The following SLC41A3 variants were observed in gnomAD, a reference collection of about 807,000 sequenced individuals.
SLC41A3 encodes the protein SLC41A1-like 2.
SLC41A3 carries 44 observed loss-of-function variants against 45.4 expected under a neutral mutation model. The ratio of observed to expected loss-of-function variants is 0.97; its 90% confidence interval spans 0.76 to 1.25. The LOEUF (loss-of-function observed/expected upper bound fraction) is 1.25, where lower values mean the gene tolerates loss of function less well. Ranked by LOEUF, SLC41A3 falls within the 50% of genes most tolerant of loss-of-function variation. SLC41A3 has a pLI of 0.00. For synonymous variants in SLC41A3, 256 were observed against 252.4 expected (o/e 1.01, Z -0.13); for missense variants, 550 against 600.6 (o/e 0.92, Z 0.88).
intron 7 of SLC41A3, 63 bp downstream of exon 7, chr3:126,016,668 T>C: frequency 1.1e-5 from 17 of 1,547,102 alleles, no homozygotes; most frequent in Non-Finnish European, 1.5e-5. Context: ...AGTGTCACCC[T>C]GGTTCTAGGG....
intron 6 of SLC41A3, among the ~76,000 whole-genome samples, chr3:126,017,283 A>G (rs760183807): frequency 6.6e-6 from 1 of 152,232 alleles, no homozygotes; most frequent in Non-Finnish European, 1.5e-5. Context: ...AGGCAGCAGG[A>G]GGAAGCAGAC....
chr3:126,034,045 A>T (rs1410673081), intron 3 of SLC41A3, among the ~76,000 whole-genome samples: 1 of 152,158 alleles, frequency 6.6e-6, no homozygotes, highest in African/African-American at 2.4e-5. Flanking sequence ...GTTACCAGCA[A>T]TTTGAAGGCC....
chr3:126,053,080 C>T (rs1033139199), intron 2 of SLC41A3, among the ~76,000 whole-genome samples: 11 of 152,174 alleles, frequency 7.2e-5, no homozygotes, highest in Admixed American at 3.9e-4. Flanking sequence ...ACAACCGTGA[C>T]GGGACTAAAG....
At chr3:126,039,739 AC>A (rs1942455194) in intron 3 of SLC41A3, among the ~76,000 whole-genome samples, 3 of 152,254 alleles carry the variant, frequency 2.0e-5, no homozygotes, top group Admixed American at 2.0e-4. Context: ...GACAATCCAC[AC>A]ATATTTAAAA....
At chr3:126,046,109 G>A (rs763647154) in intron 3 of SLC41A3, among the ~76,000 whole-genome samples, 6 of 151,332 alleles carry the variant, frequency 4.0e-5, no homozygotes, top group Non-Finnish European at 8.8e-5. Context: ...ACATAATAAA[G>A]GTTATATGTG....
chr3:126,069,250 G>C (rs939102904), intron 1 of SLC41A3, among the ~76,000 whole-genome samples: 1 of 152,042 alleles, frequency 6.6e-6, no homozygotes, highest in Non-Finnish European at 1.5e-5. Flanking sequence ...ACAAGCAGCA[G>C]GTAAAGGCTG....
At chr3:126,095,869 G>A (rs1395868708) in intron 1 of SLC41A3, among the ~76,000 whole-genome samples, 1 of 152,184 alleles carries the variant, frequency 6.6e-6, no homozygotes, top group East Asian at 1.9e-4. Context: ...GAACAAAACG[G>A]TCAGATGGTA....
chr3:126,060,424 A>G (rs1347060072), intron 2 of SLC41A3, among the ~76,000 whole-genome samples: 2 of 151,918 alleles, frequency 1.3e-5, no homozygotes, highest in African/African-American at 4.8e-5. Flanking sequence ...TGTCTCAAAA[A>G]AAAAGTGAGA....
intron 9 of SLC41A3, among the ~76,000 whole-genome samples, chr3:126,011,172 C>G (rs1939667683): frequency 6.6e-6 from 1 of 152,010 alleles, no homozygotes; most frequent in Admixed American, 6.6e-5. Flanking sequence ...AATCACAAAC[C>G]CACCTGAAAC....
chr3:126,056,462 C>A (rs763079045), intron 2 of SLC41A3: 4 of 1,614,246 alleles, frequency 2.5e-6, no homozygotes, highest in Admixed American at 1.7e-5. Context: ...TCAGGCAAGA[C>A]CCCATGTGGG....
At position 126,026,579 on chromosome 3, in the gene SLC41A3, T is replaced by A. The variant is rs1941373577; in HGVS notation, c.454-100A>T. On this transcript the variant is annotated intron_variant, in intron 4 of 10. Coordinates refer to ENST00000360370, the MANE Select transcript of SLC41A3 (RefSeq NM_017836.4). This position sits in a 1 kb window ranked among gnomAD's most constrained non-coding sequence, Gnocchi z 4.2. ...TCACCGCAAGGGGCCGGGTGCCACA[T>A]GCTACTGCCTCCTTTCCCTTACCCT... 7.0e-7 allele frequency: 1 copy of A among 1,429,702 alleles called. No individual in the cohort carries two copies. Among genetic ancestry groups the A allele is most frequent in the African/African-American group, 1.4e-5 (1 of 70,164 alleles). The allele number at this position is 1,429,702 out of a possible 1,614,324, so 88.6% of individuals were successfully genotyped here.
At chr3:126,037,503 G>A (rs775672680) in intron 3 of SLC41A3, among the ~76,000 whole-genome samples, 1 of 152,164 alleles carries the variant, frequency 6.6e-6, no homozygotes, top group Non-Finnish European at 1.5e-5. Context: ...CCTTAGCATG[G>A]AACTTGGCTG....
chr3:126,073,451 C>G (rs114112586), intron 1 of SLC41A3, among the ~76,000 whole-genome samples: 4,128 of 151,986 alleles, frequency 0.027, 166 homozygotes, highest in African/African-American at 0.09. Flanking sequence ...AAAACAAAAA[C>G]AAACAAACAA....
At chr3:126,069,597 G>A (rs1310411117) in intron 1 of SLC41A3, among the ~76,000 whole-genome samples, 1 of 152,094 alleles carries the variant, frequency 6.6e-6, no homozygotes, top group Non-Finnish European at 1.5e-5. Context: ...GACATGCCAA[G>A]AAATAAGAAA....
At position 126,026,981 on chromosome 3, in the gene SLC41A3, G is replaced by A. The variant is rs963399295; in HGVS notation, c.454-502C>T. On this transcript the variant is annotated intron_variant, in intron 4 of 10. Coordinates refer to ENST00000360370, the MANE Select transcript of SLC41A3 (RefSeq NM_017836.4). The surrounding 1 kb of genome is among the most constrained non-coding windows in gnomAD (Gnocchi z 4.2). ...CAGGCTCTGTTCCCATCTCTGTCCT[G>A]CCAAACACACACCACAGCCTGCGCC... Among the ~76,000 whole-genome samples the A allele has an allele frequency of 3.9e-5, 6 of 152,130 alleles. No homozygotes were observed. Among genetic ancestry groups the A allele is most frequent in the African/African-American group, 1.4e-4 (6 of 41,444 alleles).
chr3:126,034,761 C>T (rs539323505), intron 3 of SLC41A3, among the ~76,000 whole-genome samples: 2 of 152,378 alleles, frequency 1.3e-5, no homozygotes, highest in East Asian at 3.9e-4. Context: ...CTCATGTTTT[C>T]TATTAATCAA....
At chr3:126,019,702 CCT>C in intron 6 of SLC41A3, among the ~76,000 whole-genome samples, 1 of 152,158 alleles carries the variant, frequency 6.6e-6, no homozygotes. Flanking sequence ...AGAGCTTTCT[CCT>C]CTGACTCCAT....
chr3:126,098,951 T>A (rs1945658096), intron 1 of SLC41A3, among the ~76,000 whole-genome samples: 2 of 138,182 alleles, frequency 1.4e-5, no homozygotes, highest in African/African-American at 2.7e-5. Flanking sequence ...TTTTTTTGTA[T>A]TTTTTTGTAG....
At chr3:126,072,372 T>TAAAAAAAAAAA (rs138420343) in intron 1 of SLC41A3, among the ~76,000 whole-genome samples, 1 of 126,484 alleles carries the variant, frequency 7.9e-6, no homozygotes. Context: ...TAAAAAAAAA[T>TAAAAAAAAAAA]AAAAAAAAAA....
Sources: gnomAD v4.1 joint callset for allele counts (sites outside exome capture counted in the v4.1 genomes callset) on GRCh38, gnomAD v4.1.1 for gene constraint, Gnocchi (gnomAD v3.1) non-coding constraint, MANE v1.5 for transcripts, NCBI Gene and HGNC (gene_info 2026-07-23, HGNC 2026-07-21) for gene names.